NMNAT1: variants seen among roughly 807,000 people sequenced by gnomAD.
NMNAT1 encodes the protein nicotinamide nucleotide adenylyltransferase 1, also known as nicotinamide/nicotinic acid mononucleotide adenylyltransferase 1.
In NMNAT1, 11 loss-of-function variants were observed where a neutral mutation model predicts 16.7. The observed-to-expected ratio is 0.66, with a 90% confidence interval of 0.41 to 1.09. The LOEUF (loss-of-function observed/expected upper bound fraction) is 1.09, where lower values mean the gene tolerates loss of function less well. NMNAT1 is among the 50% of genes least tolerant of loss of function. The pLI is 0.00. For synonymous variants in NMNAT1, 110 were observed against 119.8 expected (o/e 0.92, Z 0.53); for missense variants, 280 against 332.3 (o/e 0.84, Z 1.22).
the NMNAT1 span, among the ~76,000 whole-genome samples, chr1:9,996,154 A>G: frequency 6.6e-6 from 1 of 151,504 alleles, no homozygotes; most frequent in African/African-American, 2.4e-5. Flanking sequence ...TAATAAAAAT[A>G]TAAAAAGTTA....
At chr1:9,990,585 G>A in the NMNAT1 span, among the ~76,000 whole-genome samples, 1 of 152,210 alleles carries the variant, frequency 6.6e-6, no homozygotes, top group South Asian at 2.1e-4. Context: ...TCAGGAGCCA[G>A]ACCAAACTGC....
chr1:9,969,815 A>G (rs1015515479), intron 1 of NMNAT1, among the ~76,000 whole-genome samples: 4 of 152,156 alleles, frequency 2.6e-5, no homozygotes, highest in African/African-American at 9.6e-5. Flanking sequence ...AAAATCATCA[A>G]TGAAAGAACT....
chr1:9,972,661 T>C (rs184246439), intron 2 of NMNAT1, among the ~76,000 whole-genome samples: 1 of 152,038 alleles, frequency 6.6e-6, no homozygotes. Flanking sequence ...CTATGGCCTG[T>C]AGAATAGAAA....
chr1:9,996,535 C>A, the NMNAT1 span, among the ~76,000 whole-genome samples: 1 of 152,116 alleles, frequency 6.6e-6, no homozygotes, highest in African/African-American at 2.4e-5. Flanking sequence ...TTAGAAGTGG[C>A]ATTGATACAG....
At chr1:9,970,516 C>T (rs899261033) in intron 1 of NMNAT1, among the ~76,000 whole-genome samples, 4 of 151,838 alleles carry the variant, frequency 2.6e-5, no homozygotes, top group East Asian at 3.9e-4. Flanking sequence ...GATGAAACCC[C>T]GTCTCTACTA....
intron 1 of NMNAT1, among the ~76,000 whole-genome samples, chr1:9,966,892 A>G (rs1237012151): frequency 1.3e-5 from 2 of 152,116 alleles, no homozygotes; most frequent in African/African-American, 4.8e-5. Context: ...CCAGCAAACA[A>G]TGAAGAAGTG....
chr1:9,977,857 A>G (rs1641849723), intron 3 of NMNAT1, among the ~76,000 whole-genome samples: 2 of 151,398 alleles, frequency 1.3e-5, no homozygotes, highest in Admixed American at 6.6e-5. Context: ...GACTGTCTCA[A>G]AAAACAACAA....
At chr1:9,956,174 T>TC (rs1332766247) in intron 1 of NMNAT1, among the ~76,000 whole-genome samples, 1 of 150,566 alleles carries the variant, frequency 6.6e-6, no homozygotes, top group African/African-American at 2.4e-5. Context: ...TCTTTTCTTT[T>TC]TTTTTTTTTT....
chr1:9,954,740 G>A (rs1641210389), intron 1 of NMNAT1, among the ~76,000 whole-genome samples: 1 of 151,440 alleles, frequency 6.6e-6, no homozygotes, highest in African/African-American at 2.4e-5. Flanking sequence ...AGACCATCCT[G>A]GCCAACATGG....
Position 9,981,187 on chromosome 1 carries a change from A to G in NMNAT1, c.439+17A>G, listed in dbSNP as rs1308749507. The G allele has an allele frequency of 1.2e-6, 2 of 1,602,818 alleles. No homozygotes were observed. The highest frequency in any genetic ancestry group is 2.2e-5 in the East Asian group (1 of 44,710). On this transcript the variant is annotated intron_variant, in intron 4 of 4. Transcript: ENST00000377205. ...AAACAAAAGGTTTGTATGTTTTAGC[A>G]GGACCCACGGACTAGAGTTGATAAG...
chr1:9,960,362 A>G (rs1265451584), intron 1 of NMNAT1, among the ~76,000 whole-genome samples: 1 of 152,112 alleles, frequency 6.6e-6, no homozygotes, highest in Non-Finnish European at 1.5e-5. Context: ...TTTTTAAAAC[A>G]TAAAGATCAG....
the NMNAT1 span, among the ~76,000 whole-genome samples, chr1:9,994,196 T>C: frequency 6.9e-6 from 1 of 144,416 alleles, no homozygotes; most frequent in African/African-American, 2.7e-5. Flanking sequence ...CTGCAACCTC[T>C]GCCTCCCGGG....
At chr1:9,956,117 A>G (rs781581814) in intron 1 of NMNAT1, among the ~76,000 whole-genome samples, 2 of 151,928 alleles carry the variant, frequency 1.3e-5, no homozygotes, top group Non-Finnish European at 2.9e-5. Context: ...AATAATAGTA[A>G]GAGTTATTAG....
intron 2 of NMNAT1, among the ~76,000 whole-genome samples, chr1:9,973,450 G>T (rs2101696231): frequency 6.6e-6 from 1 of 152,120 alleles, no homozygotes; most frequent in East Asian, 2.0e-4. Flanking sequence ...GCTTACTCCT[G>T]GAATCCCAGC....
intron 3 of NMNAT1, among the ~76,000 whole-genome samples, chr1:9,978,662 C>G (rs1262117894): frequency 1.3e-5 from 2 of 152,214 alleles, no homozygotes; most frequent in Non-Finnish European, 2.9e-5. Flanking sequence ...CCCTACCCGA[C>G]CCTCTGGCTT....
downstream of NMNAT1, among the ~76,000 whole-genome samples, chr1:9,989,749 G>T (rs2101723310): frequency 6.6e-6 from 1 of 152,274 alleles, no homozygotes; most frequent in South Asian, 2.1e-4. Context: ...CACTGGACAA[G>T]AACTTGGGTA....
chr1:9,971,470 C>T (rs1641686246), intron 1 of NMNAT1, among the ~76,000 whole-genome samples: 2 of 151,982 alleles, frequency 1.3e-5, no homozygotes, highest in African/African-American at 4.8e-5. Context: ...CCTGTCACCA[C>T]ACCCAGCTAA....
rs145908106 is a variant in NMNAT1 at position 9,982,450 on chromosome 1, A to G, written c.589A>G (p.Ile197Val). 1.2e-4 allele frequency: 199 copies of G among 1,614,014 alleles called. No individual in the cohort carries two copies. The highest frequency in any genetic ancestry group is 1.1e-3 in the Admixed American group (64 of 59,968). ...GGCTGGAAATGATGCTCAGAAGTTTATCTATGAATCGGATGTGCTGTGGAA... is the reference window on the plus strand; with the variant it reads ...GGCTGGAAATGATGCTCAGAAGTTTGTCTATGAATCGGATGTGCTGTGGAA... Reference protein sequence around the residue: ...TRAGNDAQKFIYESDVLWKHR... With the variant: ...TRAGNDAQKFVYESDVLWKHR... Residue 197 changes from isoleucine (I) to valine (V), a missense_variant, in exon 5 of 5, where the codon ATC (isoleucine) becomes GTC (valine). By Grantham distance (29) the Ile-to-Val change is conservative. Coordinates refer to ENST00000377205, the MANE Select transcript of NMNAT1 (RefSeq NM_022787.4).
chr1:9,976,506 C>T (rs938181830), intron 3 of NMNAT1, among the ~76,000 whole-genome samples: 4 of 151,876 alleles, frequency 2.6e-5, no homozygotes, highest in Admixed American at 6.6e-5. Context: ...AGGCCTGATT[C>T]GTGTGCTGCT....
Sources: allele counts gnomAD v4.1 joint callset (sites outside exome capture counted in the v4.1 genomes callset), GRCh38; gene constraint gnomAD v4.1.1; transcripts MANE v1.5; gene names NCBI Gene and HGNC (gene_info 2026-07-23, HGNC 2026-07-21).